The following ZDHHC11 variants were observed in gnomAD, a reference collection of about 807,000 sequenced individuals.
The protein encoded by ZDHHC11 is palmitoyltransferase ZDHHC11.
ZDHHC11 carries 44 observed loss-of-function variants against 51.3 expected under a neutral mutation model. That is an observed-to-expected ratio of 0.86 (90% CI 0.67 to 1.10). The LOEUF is 1.10. ZDHHC11 is among the 50% of genes least tolerant of loss of function. ZDHHC11 has a pLI of 0.00. For missense variants in ZDHHC11, 400 were observed against 537.7 expected, an observed-to-expected ratio of 0.74 and a Z score of 2.53; for synonymous variants, 163 against 222.0, an observed-to-expected ratio of 0.73 and a Z score of 2.36.
chr5:800,900 T>C (rs1738318047), intron 12 of ZDHHC11, among the ~76,000 whole-genome samples, 200 bp downstream of exon 12: 1 of 151,386 alleles, frequency 6.6e-6, no homozygotes, highest in African/African-American at 2.4e-5. Flanking sequence ...ATTGATACTC[T>C]CACAGCTCGG....
intron 6 of ZDHHC11, among the ~76,000 whole-genome samples, chr5:834,306 G>A (rs1743486480): frequency 6.6e-6 from 1 of 152,294 alleles, no homozygotes; most frequent in Admixed American, 6.5e-5. Context: ...CATCTACCTT[G>A]GTAAGGAGTT....
At chr5:824,764 TTATTTA>T (rs200590167) in intron 8 of ZDHHC11, among the ~76,000 whole-genome samples, 6,405 of 101,780 alleles carry the variant, frequency 0.063, 241 homozygotes, top group African/African-American at 0.31. Context: ...CCTAAGCATT[TTATTTA>T]AAAAAAAAAA....
At chr5:840,712 A>G (rs1480757109) in intron 4 of ZDHHC11, 62 bp from the exon 5 acceptor site, 4 of 1,607,190 alleles carry the variant, frequency 2.5e-6, no homozygotes, top group Admixed American at 1.7e-5. Context: ...CATCAGGTGG[A>G]CGTCACAGAC....
chr5:851,401 G>A (rs910205160), upstream of ZDHHC11, among the ~76,000 whole-genome samples: 2 of 151,380 alleles, frequency 1.3e-5, no homozygotes, highest in Non-Finnish European at 2.9e-5. Flanking sequence ...CTCAACGGCC[G>A]CTACGGGGTG....
chr5:856,686 CA>C (rs1259612690), intron 1 of ZDHHC11, among the ~76,000 whole-genome samples: 2 of 151,444 alleles, frequency 1.3e-5, no homozygotes, highest in African/African-American at 4.9e-5. Flanking sequence ...TACCAGACAC[CA>C]ACCACAAACG....
In ZDHHC11 at chr5:817,874, T is replaced by C. The variant is rs181106880; in HGVS notation, c.1146+1651A>G. Among the ~76,000 whole-genome samples the C allele has an allele frequency of 1.7e-3, 252 of 151,480 alleles. 11 individuals carry two copies. Among genetic ancestry groups the C allele is most frequent in the African/African-American group, 5.7e-3 (237 of 41,352 alleles). ...ATTCATCGAGTCAGGGTGTCTTCTATGGACAACGCTGTCTGCAGCCCTGGG... is the reference window on the plus strand; with the variant it reads ...ATTCATCGAGTCAGGGTGTCTTCTACGGACAACGCTGTCTGCAGCCCTGGG... On this transcript the variant is annotated intron_variant, in intron 10 of 12. Coordinates refer to ENST00000283441, the MANE Select transcript of ZDHHC11 (RefSeq NM_024786.3).
intron 12 of ZDHHC11, among the ~76,000 whole-genome samples, chr5:797,157 A>T (rs1254207347): frequency 1.3e-5 from 2 of 151,600 alleles, no homozygotes; most frequent in African/African-American, 4.8e-5. Flanking sequence ...CAGTGAGCCA[A>T]GATTGGGCCA....
chr5:853,093 A>AC (rs1747531206), upstream of ZDHHC11, among the ~76,000 whole-genome samples: 2 of 132,998 alleles, frequency 1.5e-5, no homozygotes, highest in Admixed American at 7.5e-5. Flanking sequence ...ACAGCGAGCC[A>AC]GGGGACACAG....
At chr5:854,606 TGGCACAGACCCCACAGAGGACAGC>T (rs1747859287), upstream of ZDHHC11, among the ~76,000 whole-genome samples, 1 of 73,686 alleles carries the variant, frequency 1.4e-5, no homozygotes, top group African/African-American at 5.4e-5. Context: ...AGCGAGCGAG[TGGCACAGACCCCACAGAGGACAGC>T]GAGCCAGGGT....
At chr5:812,304 G>C (rs1381494123) in intron 11 of ZDHHC11, among the ~76,000 whole-genome samples, 1 of 151,818 alleles carries the variant, frequency 6.6e-6, no homozygotes, top group African/African-American at 2.4e-5. Flanking sequence ...AATTTTAAAA[G>C]ACAGACTGAA....
chr5:858,127 T>A lies in ZDHHC11; in HGVS notation c.-1+747A>T, dbSNP rs565898516. Among the ~76,000 whole-genome samples the A allele has an allele frequency of 7.7e-5, 11 of 143,542 alleles. No homozygotes were observed. In the South Asian group the frequency reaches 2.3e-3, roughly 30 times the overall value. The allele number at this position is 143,542 out of a possible 152,430, so 94.2% of individuals were successfully genotyped here. A position where few individuals can be genotyped will look rare whatever the true frequency, so the allele number is the denominator to read the frequency against. On this transcript the variant is annotated intron_variant, in intron 1 of 3. Coordinates refer to the ZDHHC11 transcript ENST00000685990. ...TCTGTCCTGGTCCCCGTCCTATCTT[T>A]ATGACACCGTGGTCCCCCGGGTCTG...
intron 8 of ZDHHC11, chr5:824,150 A>G: frequency 2.2e-6 from 1 of 449,702 alleles, no homozygotes; most frequent in Non-Finnish European, 4.5e-6. Context: ...GCCCCATGAC[A>G]AAACCTGCTC....
intron 11 of ZDHHC11, among the ~76,000 whole-genome samples, chr5:811,557 C>T (rs1180359134): frequency 3.4e-5 from 5 of 147,764 alleles, no homozygotes; most frequent in Non-Finnish European, 5.9e-5. Flanking sequence ...CCGTGAAGGA[C>T]GGAGCTTCTG....
At position 847,236 on chromosome 5, in the gene ZDHHC11, C is replaced by G. The variant is rs1249912344; in HGVS notation, c.503+278G>C. 5.3e-5 allele frequency among the ~76,000 whole-genome samples: 8 copies of G among 151,702 alleles called. No individual in the cohort carries two copies. In the East Asian group the frequency reaches 1.5e-3, roughly 29 times the overall value. On this transcript the variant is annotated intron_variant, in intron 3 of 12. Coordinates refer to ENST00000283441, the MANE Select transcript of ZDHHC11 (RefSeq NM_024786.3). The stretch of plus-strand genomic sequence containing the variant: ...GCAGCCCAGCCCAGGACAGCGTGGT[C>G]AGGAGGCCTCAGCCAGCGTGGCCCC...
chr5:845,787 G>A (rs1345182912), intron 3 of ZDHHC11, among the ~76,000 whole-genome samples: 5 of 151,128 alleles, frequency 3.3e-5, no homozygotes, highest in South Asian at 2.1e-4. Context: ...AGATGCCGGC[G>A]TTGGCTGCTG....
At chr5:816,789 T>G (rs548378924) in intron 10 of ZDHHC11, 15 of 481,238 alleles carry the variant, frequency 3.1e-5, no homozygotes, top group African/African-American at 2.8e-4. Flanking sequence ...CTGATGCTAT[T>G]TGGGAGCTGC....
chr5:838,980 A>ACATGTGGATGAGAC (rs1480074631), intron 5 of ZDHHC11, among the ~76,000 whole-genome samples: 1 of 142,606 alleles, frequency 7.0e-6, no homozygotes, highest in African/African-American at 2.7e-5. Flanking sequence ...AATCTGCGGC[A>ACATGTGGATGAGAC]CATGTGGATG....
rs377372894 is a variant in ZDHHC11, at chr5:825,122, C to T, written c.1023+42G>A. 2.3e-4 allele frequency: 369 copies of T among 1,575,558 alleles called. 5 individuals carry two copies. The East Asian group carries it at 5.5e-3, about 24-fold the overall frequency. ...GACCCGAGACCACATATTCTGCACACGGCCCTGACCTCGGGGTGCATCGCT... is the reference window on the plus strand; with the variant it reads ...GACCCGAGACCACATATTCTGCACATGGCCCTGACCTCGGGGTGCATCGCT... On this transcript the variant is annotated intron_variant, in intron 8 of 12. Coordinates refer to ENST00000283441, the MANE Select transcript of ZDHHC11 (RefSeq NM_024786.3).
chr5:858,252 CT>C (rs1748548519), intron 1 of ZDHHC11, among the ~76,000 whole-genome samples: 1 of 151,596 alleles, frequency 6.6e-6, no homozygotes, highest in African/African-American at 2.4e-5. Context: ...AGAGTCTGTC[CT>C]GGTCCCCATC....
Sources: gnomAD v4.1 joint callset for allele counts (sites outside exome capture counted in the v4.1 genomes callset) on GRCh38, gnomAD v4.1.1 for gene constraint, MANE v1.5 for transcripts, NCBI Gene and HGNC (gene_info 2026-07-23, HGNC 2026-07-21) for gene names.